Variants in DAPP1 observed in about 807,000 individuals in gnomAD.
DAPP1 encodes the protein dual adaptor of phosphotyrosine and 3-phosphoinositides 1.
A neutral mutation model predicts 41.5 loss-of-function variants in DAPP1; 20 were observed. The ratio of observed to expected loss-of-function variants is 0.48; its 90% CI spans 0.34 to 0.70. DAPP1 has a LOEUF of 0.70. Among genes scored for constraint, DAPP1 ranks in the 30% least tolerant of loss-of-function variants. DAPP1 has a pLI of 0.01. For synonymous variants in DAPP1, 113 were observed against 116.2 expected, an observed-to-expected ratio of 0.97 and a Z score of 0.18; for missense variants, 233 against 333.4, an observed-to-expected ratio of 0.70 and a Z score of 2.35.
chr4:99,853,457 T>C (rs954009935), intron 4 of DAPP1, 109 bp downstream of exon 4: 1 of 1,412,762 alleles, frequency 7.1e-7, no homozygotes. Flanking sequence ...TAGCTTGGAA[T>C]ATAAAACTTG....
At chr4:99,820,587 T>C (rs1192897315) in intron 1 of DAPP1, among the ~76,000 whole-genome samples, 1 of 152,234 alleles carries the variant, frequency 6.6e-6, no homozygotes, top group Non-Finnish European at 1.5e-5. Context: ...GCCAAAGAAC[T>C]AGATTCCAAG....
chr4:99,836,395 C>T (rs763422178), intron 2 of DAPP1, among the ~76,000 whole-genome samples: 7 of 152,160 alleles, frequency 4.6e-5, no homozygotes, highest in African/African-American at 1.7e-4. Flanking sequence ...TCAGGGGAGG[C>T]GGCTGGTTCT....
intron 3 of DAPP1, among the ~76,000 whole-genome samples, chr4:99,849,633 A>C (rs1643678501): frequency 6.6e-6 from 1 of 152,154 alleles, no homozygotes; most frequent in African/African-American, 2.4e-5. Context: ...AGGGACTGAT[A>C]CTGTGGTAGG....
chr4:99,844,840 ATT>A (rs1723612917), intron 3 of DAPP1: 3 of 152,188 alleles, frequency 2.0e-5, no homozygotes, highest in African/African-American at 7.2e-5. Context: ...CGCTATTATT[ATT>A]TTGTTTTGTG....
At chr4:99,837,815 C>G (rs1400079036) in intron 2 of DAPP1, among the ~76,000 whole-genome samples, 1 of 152,066 alleles carries the variant, frequency 6.6e-6, no homozygotes, top group Non-Finnish European at 1.5e-5. Context: ...CATTCAGAAT[C>G]AGTGGGAGCC....
intron 3 of DAPP1, among the ~76,000 whole-genome samples, chr4:99,846,565 T>C (rs1219417655): frequency 6.6e-6 from 1 of 152,272 alleles, no homozygotes. Flanking sequence ...TTTATGGTTA[T>C]TAATTCCATC....
At chr4:99,853,130 T>G in intron 3 of DAPP1, 88 bp from the exon 4 acceptor site, 3 of 1,488,338 alleles carry the variant, frequency 2.0e-6, no homozygotes, top group Non-Finnish European at 2.7e-6. Context: ...AACAAAAGAC[T>G]TTCCAATCCA....
chr4:99,850,584 T>C (rs1294973479), intron 3 of DAPP1, among the ~76,000 whole-genome samples: 1 of 152,194 alleles, frequency 6.6e-6, no homozygotes, highest in Non-Finnish European at 1.5e-5. Flanking sequence ...GAGTTCAAAA[T>C]GTATCTAATT....
intron 3 of DAPP1, among the ~76,000 whole-genome samples, chr4:99,851,639 C>G (rs553065986): frequency 2.1e-5 from 3 of 145,258 alleles, no homozygotes; most frequent in Non-Finnish European, 4.5e-5. Context: ...CTCCCGGGTT[C>G]AAGCAATTTC....
chr4:99,866,650 A>G (rs753932015), intron 8 of DAPP1: 1 of 760,840 alleles, frequency 1.3e-6, no homozygotes, highest in South Asian at 1.4e-5. Flanking sequence ...CCAATCTTCT[A>G]CTTGTTTTTC....
chr4:99,856,829 C>T (rs1009247391), intron 4 of DAPP1, among the ~76,000 whole-genome samples: 4 of 152,176 alleles, frequency 2.6e-5, no homozygotes, highest in Admixed American at 2.6e-4. Flanking sequence ...AGCCGAAGTT[C>T]CCAAAGGGCA....
At chr4:99,837,175 C>T (rs72684357) in intron 2 of DAPP1, among the ~76,000 whole-genome samples, 3,043 of 152,336 alleles carry the variant, frequency 0.02, 40 homozygotes, top group Middle Eastern at 0.044. Context: ...TTAGTTCAGG[C>T]CCACTCAGAT....
intron 8 of DAPP1, 103 bp from the exon 9 acceptor site, chr4:99,868,014 A>T: frequency 9.8e-7 from 1 of 1,017,464 alleles, no homozygotes; most frequent in Non-Finnish European, 1.5e-6. Context: ...TTAGAGTTGT[A>T]TGACATCCTT....
chr4:99,836,956 C>T (rs537053299), intron 2 of DAPP1, among the ~76,000 whole-genome samples: 14 of 152,242 alleles, frequency 9.2e-5, no homozygotes, highest in Admixed American at 3.3e-4. Flanking sequence ...CCCTTGCTGC[C>T]GTAGAACTGA....
chr4:99,855,103 A>G (rs1262198998), intron 4 of DAPP1, among the ~76,000 whole-genome samples: 2 of 152,236 alleles, frequency 1.3e-5, no homozygotes, highest in Non-Finnish European at 2.9e-5. Flanking sequence ...GTGCAAGACA[A>G]TAAATAGTCC....
chr4:99,861,497 A>C (rs1019348483), intron 4 of DAPP1, 81 bp from the exon 5 acceptor site: 21 of 1,387,070 alleles, frequency 1.5e-5, no homozygotes, highest in Non-Finnish European at 2.0e-5. Flanking sequence ...AACATTCTTC[A>C]TTTAAAAATA....
chr4:99,819,195 C>T (rs1350519112), intron 1 of DAPP1, among the ~76,000 whole-genome samples: 1 of 152,146 alleles, frequency 6.6e-6, no homozygotes, highest in Non-Finnish European at 1.5e-5. Context: ...AGTGATACAA[C>T]CATCACCATA....
Position 99,840,281 on chromosome 4 carries a change from C to A in DAPP1, c.225-8C>A. On this transcript the variant is annotated splice_polypyrimidine_tract_variant and splice_region_variant and intron_variant, in intron 2 of 8. Transcript: ENST00000512369. ...AAATAATATTAAATACTTCTTTTTC[C>A]CTTTTAGGGCCAAAGATTCTGTTAA... 1 of 1,486,276 alleles carries A rather than the reference C, an allele frequency of 6.7e-7. No homozygotes were observed. The allele number at this position is 1,486,276 out of a possible 1,614,324, so 92.1% of individuals were successfully genotyped here.
At chr4:99,822,433 A>G (rs1056041114) in intron 1 of DAPP1, among the ~76,000 whole-genome samples, 3 of 152,164 alleles carry the variant, frequency 2.0e-5, no homozygotes, top group African/African-American at 4.8e-5. Flanking sequence ...AGATAAAACA[A>G]TCTCCTATGG....
Sources: gnomAD v4.1 joint callset for allele counts (sites outside exome capture counted in the v4.1 genomes callset) on GRCh38, gnomAD v4.1.1 for gene constraint, MANE v1.5 for transcripts, NCBI Gene and HGNC (gene_info 2026-07-23, HGNC 2026-07-21) for gene names.